Variants in CSMD1 observed in about 807,000 individuals in gnomAD.
CSMD1 encodes the protein CUB and Sushi multiple domains 1, also known as CUB and sushi domain-containing protein 1.
CSMD1 carries 213 observed loss-of-function variants against 417.5 expected under a neutral mutation model. The ratio of observed to expected loss-of-function variants is 0.51; its 90% CI spans 0.46 to 0.57. CSMD1 has a LOEUF of 0.57. Ranked by LOEUF, CSMD1 falls within the 20% of genes least tolerant of loss-of-function variation. The probability of loss-of-function intolerance (pLI) is 0.00; values close to 1 mark genes in which losing one functional copy is unlikely to be tolerated. For synonymous variants in CSMD1, 2,862 were observed against 1,736.8 expected, an observed-to-expected ratio of 1.65 and a Z score of -16.11; for missense variants, 6,923 against 4,529.7, an observed-to-expected ratio of 1.53 and a Z score of -15.17.
At chr8:3,731,009 T>A (rs2407038) in intron 6 of CSMD1, among the ~76,000 whole-genome samples, 92,356 of 152,072 alleles carry the variant, frequency 0.61, 30,828 homozygotes, top group Non-Finnish European at 0.74. Flanking sequence ...TAAAAGTGAA[T>A]TGAACCTACA....
chr8:4,918,310 T>C (rs1806206561), intron 1 of CSMD1, among the ~76,000 whole-genome samples: 1 of 152,164 alleles, frequency 6.6e-6, no homozygotes, highest in African/African-American at 2.4e-5. Flanking sequence ...GCTTCGAAAA[T>C]CACAAAGTGT....
chr8:3,491,601 G>A (rs189766659), intron 11 of CSMD1, among the ~76,000 whole-genome samples: 78 of 152,258 alleles, frequency 5.1e-4, no homozygotes, highest in Admixed American at 1.3e-4. Context: ...TCCAAGATTC[G>A]ACGAATGAAG....
chr8:4,511,274 T>A (rs934997470), intron 2 of CSMD1, among the ~76,000 whole-genome samples: 5 of 152,062 alleles, frequency 3.3e-5, no homozygotes, highest in African/African-American at 1.2e-4. Context: ...CCAGAAATAG[T>A]CCCAGGGCTG....
At chr8:4,777,716 C>G (rs1004519188) in intron 1 of CSMD1, among the ~76,000 whole-genome samples, 1 of 152,132 alleles carries the variant, frequency 6.6e-6, no homozygotes, top group Non-Finnish European at 1.5e-5. Context: ...TACTTCTGCA[C>G]CAACCTAATG....
At chr8:3,704,262 G>T (rs1801039390) in intron 7 of CSMD1, among the ~76,000 whole-genome samples, 1 of 152,116 alleles carries the variant, frequency 6.6e-6, no homozygotes, top group South Asian at 2.1e-4. Flanking sequence ...CACCTGGACA[G>T]ATGAGCAAGC....
intron 1 of CSMD1, among the ~76,000 whole-genome samples, chr8:4,954,054 T>C (rs76386173): frequency 0.057 from 8,680 of 152,238 alleles, 428 homozygotes; most frequent in East Asian, 0.24. Flanking sequence ...AGTGCTTTTC[T>C]TTCTCCAAAT....
chr8:3,401,111 T>C (rs1362128130), intron 15 of CSMD1, among the ~76,000 whole-genome samples: 1 of 151,854 alleles, frequency 6.6e-6, no homozygotes, highest in African/African-American at 2.4e-5. Context: ...GAATACAACA[T>C]AAGCAAAATT....
intron 59 of CSMD1, 34 bp from the exon 60 acceptor site, chr8:2,963,429 G>A (rs373494629): frequency 1.1e-4 from 177 of 1,601,676 alleles, no homozygotes; most frequent in Admixed American, 1.7e-4. Flanking sequence ...TCAACATTCC[G>A]GAGCTCCCGC....
chr8:3,532,254 C>A (rs1304587051), intron 10 of CSMD1, among the ~76,000 whole-genome samples: 4 of 152,144 alleles, frequency 2.6e-5, no homozygotes, highest in Admixed American at 6.6e-5. Flanking sequence ...GGTGTCAAGC[C>A]AGACAATGAG....
intron 25 of CSMD1, among the ~76,000 whole-genome samples, chr8:3,295,334 G>T (rs552507119): frequency 6.6e-6 from 1 of 152,010 alleles, no homozygotes; most frequent in Non-Finnish European, 1.5e-5. Context: ...CACTGTGTTA[G>T]CCAGGAAGGT....
chr8:4,585,731 G>T (rs576104725), intron 2 of CSMD1, among the ~76,000 whole-genome samples: 2 of 152,256 alleles, frequency 1.3e-5, no homozygotes, highest in South Asian at 4.1e-4. Context: ...ATAATAAAAT[G>T]ATGACCAACA....
At chr8:3,282,014 C>G (rs1584924233) in intron 26 of CSMD1, among the ~76,000 whole-genome samples, 1 of 152,150 alleles carries the variant, frequency 6.6e-6, no homozygotes, top group South Asian at 2.1e-4. Flanking sequence ...TCCCCTTTAC[C>G]TTCTGCCATG....
intron 3 of CSMD1, among the ~76,000 whole-genome samples, chr8:4,171,653 C>T (rs892451474): frequency 7.4e-5 from 11 of 149,454 alleles, no homozygotes; most frequent in African/African-American, 2.6e-4. Flanking sequence ...CTGTTTTTTT[C>T]CCAATGCAGA....
At chr8:3,857,545 T>C (rs79439790) in intron 5 of CSMD1, among the ~76,000 whole-genome samples, 2,380 of 152,292 alleles carry the variant, frequency 0.016, 51 homozygotes, top group South Asian at 0.085. Flanking sequence ...CCACTGGAAA[T>C]GGCAGAGTCG....
intron 3 of CSMD1, among the ~76,000 whole-genome samples, chr8:4,156,877 C>A (rs187320132): frequency 2.9e-4 from 44 of 152,274 alleles, no homozygotes; most frequent in Non-Finnish European, 5.1e-4. Context: ...TAAGTCTCCT[C>A]ATACATAAAA....
At chr8:4,293,463 A>G (rs1797487573) in intron 3 of CSMD1, among the ~76,000 whole-genome samples, 1 of 152,212 alleles carries the variant, frequency 6.6e-6, no homozygotes, top group Non-Finnish European at 1.5e-5. Flanking sequence ...ATATGTGAAA[A>G]TTATTATTTA....
At chr8:3,487,474 TACA>T (rs1818116350) in intron 11 of CSMD1, among the ~76,000 whole-genome samples, 1 of 152,204 alleles carries the variant, frequency 6.6e-6, no homozygotes, top group Admixed American at 6.5e-5. Context: ...GTGTTGGGAT[TACA>T]GGCATGAGCC....
chr8:4,918,427 G>T (rs1300824092), intron 1 of CSMD1, among the ~76,000 whole-genome samples: 1 of 151,892 alleles, frequency 6.6e-6, no homozygotes, highest in Non-Finnish European at 1.5e-5. Flanking sequence ...TCCTCCTCTT[G>T]TCCTTCTGTA....
intron 4 of CSMD1, among the ~76,000 whole-genome samples, chr8:3,998,446 G>C (rs1815396427): frequency 6.6e-6 from 1 of 152,214 alleles, no homozygotes; most frequent in Non-Finnish European, 1.5e-5. Flanking sequence ...CCTGGAAGAT[G>C]ACACTATGTA....
Sources: allele counts gnomAD v4.1 joint callset (sites outside exome capture counted in the v4.1 genomes callset), GRCh38; gene constraint gnomAD v4.1.1; transcripts MANE v1.5; gene names NCBI Gene and HGNC (gene_info 2026-07-23, HGNC 2026-07-21).